The following GRK3 variants were observed in gnomAD, a reference collection of about 807,000 sequenced individuals.
GRK3 encodes the protein G protein-coupled receptor kinase 3.
GRK3 carries 54 observed loss-of-function variants against 95.7 expected under a neutral mutation model. That is an observed-to-expected ratio of 0.56 (90% CI 0.45 to 0.71). GRK3 has a LOEUF of 0.71. Ranked by LOEUF, GRK3 falls within the 30% of genes least tolerant of loss-of-function variation. The pLI, the probability that GRK3 is intolerant of heterozygous loss-of-function variation, is 0.00. For synonymous variants in GRK3, 281 were observed against 290.8 expected (o/e 0.97, Z 0.34); for missense variants, 649 against 851.2 (o/e 0.76, Z 2.96).
At chr22:25,663,777 A>G (rs2084924629) in intron 5 of GRK3, 73 bp downstream of exon 5, 1 of 1,047,904 alleles carries the variant, frequency 9.5e-7, no homozygotes, top group Non-Finnish European at 1.5e-6. Flanking sequence ...TTCTTTTTGC[A>G]TGTGCAATTA....
intron 2 of GRK3, among the ~76,000 whole-genome samples, chr22:25,620,006 T>TTTTTTTTGTGTG (rs144086816): frequency 3.3e-5 from 3 of 90,318 alleles, no homozygotes; most frequent in African/African-American, 2.0e-4. Flanking sequence ...TTTGTCTTTT[T>TTTTTTTTGTGTG]TGTGTGTGTG....
chr22:25,640,241 A>G (rs2084733288), intron 2 of GRK3, among the ~76,000 whole-genome samples: 1 of 152,146 alleles, frequency 6.6e-6, no homozygotes, highest in African/African-American at 2.4e-5. Context: ...CATGCATTGT[A>G]TTTTGTTTGT....
At chr22:25,602,817 G>A (rs2084418062) in intron 1 of GRK3, among the ~76,000 whole-genome samples, 1 of 152,162 alleles carries the variant, frequency 6.6e-6, no homozygotes, top group Non-Finnish European at 1.5e-5. Context: ...TGGGGAGATT[G>A]ATTTTAAAGG....
chr22:25,644,116 G>A (rs1276500888), intron 2 of GRK3, among the ~76,000 whole-genome samples: 2 of 151,964 alleles, frequency 1.3e-5, no homozygotes, highest in East Asian at 3.9e-4. Flanking sequence ...TGGGAAGAAA[G>A]GACTAGAAGG....
At chr22:25,599,815 C>T (rs1054151778) in intron 1 of GRK3, among the ~76,000 whole-genome samples, 3 of 151,924 alleles carry the variant, frequency 2.0e-5, no homozygotes, top group Admixed American at 6.6e-5. Context: ...AACCACAGTG[C>T]GATGCTACTT....
rs1601498942 is a variant in GRK3 at position 25,647,278 on chromosome 22, G to T, written c.264+2613G>T. The T allele has an allele frequency of 7.1e-6, 7 of 981,218 alleles. No homozygotes were observed. The Middle Eastern group carries it at 1.4e-3, about 202-fold the overall frequency. 60.8% of individuals were successfully genotyped at this position (981,218 alleles called of 1,614,324 possible). A position where few individuals can be genotyped will look rare whatever the true frequency, so the allele number is the denominator to read the frequency against. On this transcript the variant is annotated intron_variant, in intron 3 of 20. Coordinates refer to ENST00000324198, the MANE Select transcript of GRK3 (RefSeq NM_005160.4). The stretch of plus-strand genomic sequence containing the variant: ...GATTTGATAATGGGCTGCATTAAAA[G>T]CAAAGAAAACAAAAGTCCAGCCATT...
At chr22:25,573,845 G>A (rs1931792316) in intron 1 of GRK3, among the ~76,000 whole-genome samples, 2 of 152,174 alleles carry the variant, frequency 1.3e-5, no homozygotes, top group Admixed American at 1.3e-4. Flanking sequence ...GTTGCAGTGA[G>A]CTGAGATCGT....
intron 1 of GRK3, among the ~76,000 whole-genome samples, chr22:25,579,312 A>G (rs1932016990): frequency 6.6e-6 from 1 of 150,758 alleles, no homozygotes; most frequent in Admixed American, 6.6e-5. Flanking sequence ...ATGCCTGGCT[A>G]ATTTTTTTTT....
In GRK3 at chr22:25,608,282, A is replaced by G. The variant is rs16980043; in HGVS notation, c.190+3829A>G. ...AGTTACAAAATGGTGAGTTTTCTAAATACAAGATTCCTTCTGCATTGATTA... is the reference window on the plus strand; with the variant it reads ...AGTTACAAAATGGTGAGTTTTCTAAGTACAAGATTCCTTCTGCATTGATTA... On this transcript the variant is annotated intron_variant, in intron 2 of 20. Transcript: ENST00000324198. Among the ~76,000 whole-genome samples the G allele has an allele frequency of 3.9e-3, 590 of 152,344 alleles. 26 individuals are homozygous for G. The East Asian group carries it at 0.097, about 25-fold the overall frequency.
At chr22:25,691,584 C>A (rs187001706) in intron 12 of GRK3, among the ~76,000 whole-genome samples, 1 of 152,210 alleles carries the variant, frequency 6.6e-6, no homozygotes, top group African/African-American at 2.4e-5. Flanking sequence ...AACCTGTGGT[C>A]GTATAAGCGT....
intron 3 of GRK3, chr22:25,649,319 ATCT>A (rs1219088800): frequency 1.7e-5 from 12 of 712,640 alleles, no homozygotes; most frequent in African/African-American, 1.2e-4. Context: ...AAAGAAGAAA[ATCT>A]TCTTTACTCT....
At chr22:25,708,174 G>A (rs2085314775) in intron 15 of GRK3, among the ~76,000 whole-genome samples, 1 of 152,114 alleles carries the variant, frequency 6.6e-6, no homozygotes. Flanking sequence ...TTGAACCCAG[G>A]AGGCGGAGGT....
chr22:25,710,321 C>G (rs772613427), intron 16 of GRK3, among the ~76,000 whole-genome samples: 1 of 152,082 alleles, frequency 6.6e-6, no homozygotes, highest in Non-Finnish European at 1.5e-5. Context: ...TTCTTGAATT[C>G]TTATCTCAAT....
chr22:25,648,760 A>G lies in GRK3; in HGVS notation c.264+4095A>G, dbSNP rs1417087596. The G allele has an allele frequency of 3.5e-6, 4 of 1,139,080 alleles. No homozygotes were observed. The Admixed American group carries it at 5.1e-5, about 15-fold the overall frequency. The allele number at this position is 1,139,080 out of a possible 1,614,324, so 70.6% of individuals were successfully genotyped here. ...GCTCAGATTGCTGATGGTATGGCAT[A>G]TATTAAAAGAATGAACTATATTCAC... On this transcript the variant is annotated intron_variant, in intron 3 of 20. Transcript: ENST00000324198.
Position 25,722,408 on chromosome 22 carries a change from C to G in GRK3, c.2025C>G (p.Leu675=). Residue 675 remains leucine (L), a synonymous_variant, in exon 21 of 21, where the codon CTC becomes CTG. Transcript: ENST00000324198. Reference sequence around the variant, plus strand: ...AACCTCGGTCAGGTACTGTGGAGCTCCCAAAGCCATCCCTCTGTCACAGAA... The same window carrying G: ...AACCTCGGTCAGGTACTGTGGAGCTGCCAAAGCCATCCCTCTGTCACAGAA... The part of the protein sequence containing the change: ...LNKPRSGTVE[L]PKPSLCHRNS... 6.2e-7 allele frequency: 1 copy of G among 1,614,150 alleles called. No homozygotes were observed. Among genetic ancestry groups the G allele is most frequent in the African/African-American group, 1.3e-5 (1 of 75,020 alleles).
At chr22:25,571,234 TAGAAG>T (rs1464883794) in intron 1 of GRK3, among the ~76,000 whole-genome samples, 1 of 152,200 alleles carries the variant, frequency 6.6e-6, no homozygotes, top group African/African-American at 2.4e-5. Flanking sequence ...CAAACTGTCA[TAGAAG>T]AGAAGGTTCT....
intron 1 of GRK3, among the ~76,000 whole-genome samples, chr22:25,578,189 G>A (rs558642817): frequency 1.2e-3 from 183 of 151,726 alleles, no homozygotes; most frequent in African/African-American, 4.3e-3. Flanking sequence ...TAAAAAAATC[G>A]AAGAAACAAT....
At position 25,658,562 on chromosome 22, in the gene GRK3, T is replaced by C. The variant is rs570576086; in HGVS notation, c.265-3014T>C. On this transcript the variant is annotated intron_variant, in intron 3 of 20. Coordinates refer to ENST00000324198, the MANE Select transcript of GRK3 (RefSeq NM_005160.4). ...TTATTTTCTTACAGTTTCTGTTGGATGCCCTTTTCCATTCTCTGTGTTCCT... is the reference window on the plus strand; with the variant it reads ...TTATTTTCTTACAGTTTCTGTTGGACGCCCTTTTCCATTCTCTGTGTTCCT... 5.9e-5 allele frequency among the ~76,000 whole-genome samples: 9 copies of C among 152,338 alleles called. No homozygotes were observed. The South Asian group carries it at 1.9e-3, about 32-fold the overall frequency.
chr22:25,600,847 C>T (rs1350436014), intron 1 of GRK3, among the ~76,000 whole-genome samples: 3 of 151,960 alleles, frequency 2.0e-5, no homozygotes, highest in Non-Finnish European at 2.9e-5. Context: ...TAAGCACTAA[C>T]CAAAAGAAAG....
Sources: allele counts gnomAD v4.1 joint callset (sites outside exome capture counted in the v4.1 genomes callset), GRCh38; gene constraint gnomAD v4.1.1; transcripts MANE v1.5; gene names NCBI Gene and HGNC (gene_info 2026-07-23, HGNC 2026-07-21).